The following TOX2 variants were observed in gnomAD, a reference collection of about 807,000 sequenced individuals.
TOX2 encodes granulosa cell HMG box 1.
A neutral mutation model predicts 47.4 loss-of-function variants in TOX2; 15 were observed. The observed-to-expected ratio is 0.32, with a 90% CI of 0.21 to 0.49. TOX2 has a LOEUF of 0.49. Ranked by LOEUF, TOX2 falls within the 20% of genes least tolerant of loss-of-function variation. The pLI, the probability that TOX2 is intolerant of heterozygous loss-of-function variation, is 0.99. For missense variants in TOX2, 622 were observed against 673.1 expected (o/e 0.92, Z 0.84); for synonymous variants, 290 against 296.6 (o/e 0.98, Z 0.23).
chr20:43,968,487 G>C (rs889312080), intron 1 of TOX2, among the ~76,000 whole-genome samples: 1 of 152,164 alleles, frequency 6.6e-6, no homozygotes, highest in Admixed American at 6.5e-5. Context: ...AGGGGCCGAG[G>C]AGCTCTTTTC....
chr20:43,933,619 G>A (rs1001685578), intron 1 of TOX2, among the ~76,000 whole-genome samples: 1 of 152,206 alleles, frequency 6.6e-6, no homozygotes, highest in Admixed American at 6.5e-5. Flanking sequence ...GAGAAAGGGG[G>A]AAGGCCCTGG....
intron 5 of TOX2, among the ~76,000 whole-genome samples, chr20:44,055,332 G>A (rs983143856): frequency 1.3e-5 from 2 of 152,236 alleles, no homozygotes; most frequent in Non-Finnish European, 2.9e-5. Context: ...GTTCATGAGA[G>A]TGGAAAGAGC....
intron 2 of TOX2, among the ~76,000 whole-genome samples, chr20:43,983,328 A>G (rs1333364098): frequency 1.3e-5 from 2 of 152,044 alleles, no homozygotes; most frequent in African/African-American, 2.4e-5. Context: ...CACCACCATC[A>G]TGTTTGTGCA....
intron 2 of TOX2, among the ~76,000 whole-genome samples, chr20:43,998,058 G>A (rs556355395): frequency 6.6e-6 from 1 of 152,300 alleles, no homozygotes; most frequent in South Asian, 2.1e-4. Flanking sequence ...CATGGCTAGG[G>A]AGGCCTCAGG....
chr20:43,994,146 G>T (rs1409583352), intron 2 of TOX2, among the ~76,000 whole-genome samples: 2 of 151,924 alleles, frequency 1.3e-5, no homozygotes, highest in Admixed American at 6.6e-5. Context: ...GCAAGACCCT[G>T]TCTCGAAAAA....
At chr20:44,044,272 TGTTGTGGGGGGCG>T (rs1057349255) in intron 3 of TOX2, among the ~76,000 whole-genome samples, 7 of 151,684 alleles carry the variant, frequency 4.6e-5, no homozygotes, top group African/African-American at 1.5e-4. Context: ...CACTGGGGCC[TGTTGTGGGGGGCG>T]GTTGTGGGGA....
At chr20:44,046,829 C>T (rs1057133565) in intron 3 of TOX2, among the ~76,000 whole-genome samples, 1 of 152,150 alleles carries the variant, frequency 6.6e-6, no homozygotes, top group Non-Finnish European at 1.5e-5. Flanking sequence ...ACTTTGGTGA[C>T]ACAATAGTCT....
rs2069713772 is a variant in TOX2 at position 43,959,006 on chromosome 20, G to C, written c.100-14361G>C. ...GGGAGAGAAAAGGCCTCTTAGGACA[G>C]AGCCCCCCACTGCCCTCCTGGGTCT... On this transcript the variant is annotated intron_variant, in intron 1 of 8. Coordinates refer to ENST00000341197, the MANE Select transcript of TOX2 (RefSeq NM_001098797.2). Among the ~76,000 whole-genome samples, 7 of 152,232 alleles carry C rather than the reference G, an allele frequency of 4.6e-5. No individual in the cohort carries two copies. In the South Asian group the frequency reaches 1.4e-3, roughly 31 times the overall value.
At position 43,992,364 on chromosome 20, in the gene TOX2, G is replaced by A. The variant is rs60090575; in HGVS notation, c.166-14183G>A. On this transcript the variant is annotated intron_variant, in intron 2 of 8. Transcript: ENST00000341197. ...GTAGGAGCGATCGTGTAGGAGCCAG[G>A]ATACCCCTACCTCCCTTGTAAGGCC... Among the ~76,000 whole-genome samples, 1,271 of 152,260 alleles carry A rather than the reference G, an allele frequency of 8.3e-3. 14 individuals carry two copies. The highest frequency in any genetic ancestry group is 0.029 in the African/African-American group (1,211 of 41,536).
At chr20:43,946,128 G>T (rs1405123727) in intron 1 of TOX2, 1 of 1,549,008 alleles carries the variant, frequency 6.5e-7, no homozygotes, top group Non-Finnish European at 8.7e-7. Flanking sequence ...ATGGGGGCAG[G>T]CAGGGACCTG....
Position 44,065,828 on chromosome 20 carries a change from G to A in TOX2, c.1077G>A (p.Ser359=), listed in dbSNP as rs1046792403. Residue 359 remains serine, a synonymous_variant, in exon 7 of 9, where the codon TCG becomes TCA. Transcript: ENST00000341197. ...GCCTGGCCTCCTTCCTGACGCCGTC[G>A]GACCTGCAGGCCTTCCGCAGTGGGG... ...MPGLASFLTP[S]DLQAFRSGAS... 11 of 1,613,672 alleles carry A rather than the reference G, an allele frequency of 6.8e-6. No individual in the cohort carries two copies. Among genetic ancestry groups the A allele is most frequent in the African/African-American group, 4.0e-5 (3 of 74,910 alleles).
At chr20:43,962,054 CTGTT>C (rs1334246426) in intron 1 of TOX2, among the ~76,000 whole-genome samples, 2 of 152,208 alleles carry the variant, frequency 1.3e-5, no homozygotes, top group Non-Finnish European at 2.9e-5. Flanking sequence ...GAGCGCTTGT[CTGTT>C]TGGAATGTGC....
In TOX2 at chr20:44,048,800, C is replaced by T. The variant is rs113935420; in HGVS notation, c.412-2506C>T. Among the ~76,000 whole-genome samples the T allele has an allele frequency of 6.0e-3, 905 of 151,858 alleles. 3 individuals are homozygous for T. Among genetic ancestry groups the T allele is most frequent in the Non-Finnish European group, 7.5e-3 (511 of 67,932 alleles). On this transcript the variant is annotated intron_variant, in intron 3 of 8. Transcript: ENST00000341197. ...AAGATACTTAATAAAGAGTTTAATCCATAATGAAGATACAATTGTCTGTCT... is the reference window on the plus strand; with the variant it reads ...AAGATACTTAATAAAGAGTTTAATCTATAATGAAGATACAATTGTCTGTCT...
intron 1 of TOX2, among the ~76,000 whole-genome samples, chr20:43,958,541 G>T (rs571224772): frequency 1.3e-5 from 2 of 152,262 alleles, no homozygotes; most frequent in Admixed American, 1.3e-4. Flanking sequence ...CCCCCTCCAG[G>T]TGCCATTATG....
intron 4 of TOX2, among the ~76,000 whole-genome samples, chr20:44,051,750 A>AC (rs2071516591): frequency 6.6e-6 from 1 of 151,662 alleles, no homozygotes; most frequent in African/African-American, 2.4e-5. Flanking sequence ...TTCTGTTAAG[A>AC]CCCCCAGGCC....
At chr20:43,928,809 G>A (rs573580791) in intron 1 of TOX2, among the ~76,000 whole-genome samples, 24 of 152,116 alleles carry the variant, frequency 1.6e-4, no homozygotes, top group Middle Eastern at 3.4e-3. Context: ...TTTATGATGC[G>A]TAAATTGGAT....
At chr20:44,024,296 G>T (rs989514922) in intron 3 of TOX2, among the ~76,000 whole-genome samples, 1 of 151,916 alleles carries the variant, frequency 6.6e-6, no homozygotes, top group African/African-American at 2.4e-5. Context: ...TTTACCCAGG[G>T]TTTATCCATC....
At chr20:44,068,506 C>CA in intron 8 of TOX2, 144 bp from the exon 9 acceptor site, 1 of 838,584 alleles carries the variant, frequency 1.2e-6, no homozygotes, top group East Asian at 3.0e-5. Flanking sequence ...GGGGGTGGGA[C>CA]TTGCAGATGC....
At chr20:43,942,256 T>C (rs1389471147) in intron 1 of TOX2, among the ~76,000 whole-genome samples, 3 of 152,112 alleles carry the variant, frequency 2.0e-5, no homozygotes, top group Non-Finnish European at 2.9e-5. Flanking sequence ...ATCTTAACAT[T>C]AGTAAACAGA....
Sources: allele counts gnomAD v4.1 joint callset (sites outside exome capture counted in the v4.1 genomes callset), GRCh38; gene constraint gnomAD v4.1.1; transcripts MANE v1.5; gene names NCBI Gene and HGNC (gene_info 2026-07-23, HGNC 2026-07-21).